Variants in DOP1A observed in about 807,000 individuals in gnomAD.
DOP1A encodes protein DOP1A.
DOP1A carries 90 observed loss-of-function variants against 267.6 expected under a neutral mutation model. The ratio of observed to expected loss-of-function variants is 0.34; its 90% CI spans 0.28 to 0.40. The LOEUF is 0.40. Ranked by LOEUF, DOP1A falls within the 10% of genes least tolerant of loss-of-function variation. The pLI, the probability that DOP1A is intolerant of heterozygous loss-of-function variation, is 1.00. For missense variants in DOP1A, 2,437 were observed against 2,900.4 expected, an observed-to-expected ratio of 0.84 and a Z score of 3.67; for synonymous variants, 932 against 999.1, an observed-to-expected ratio of 0.93 and a Z score of 1.27.
At chr6:83,151,817 C>G (rs1222773286) in intron 28 of DOP1A, 66 bp from the exon 29 acceptor site, 1 of 1,510,034 alleles carries the variant, frequency 6.6e-7, no homozygotes, top group African/African-American at 1.4e-5. Context: ...GAAATATAAA[C>G]TACAGAAGTT....
At chr6:83,078,316 A>G (rs1486913722) in intron 1 of DOP1A, among the ~76,000 whole-genome samples, 1 of 152,258 alleles carries the variant, frequency 6.6e-6, no homozygotes, top group Non-Finnish European at 1.5e-5. Flanking sequence ...CGCTAAGTTA[A>G]CACTGAGCTA....
intron 33 of DOP1A, among the ~76,000 whole-genome samples, chr6:83,154,616 G>A (rs1782366970): frequency 6.6e-6 from 1 of 152,168 alleles, no homozygotes; most frequent in Non-Finnish European, 1.5e-5. Flanking sequence ...AGATGGTGAA[G>A]TGCAAAAGGC....
At chr6:83,090,523 T>G (rs981239865) in intron 1 of DOP1A, among the ~76,000 whole-genome samples, 1 of 152,224 alleles carries the variant, frequency 6.6e-6, no homozygotes, top group Non-Finnish European at 1.5e-5. Flanking sequence ...ATATTTGCAT[T>G]ATGATCTAAG....
intron 1 of DOP1A, among the ~76,000 whole-genome samples, chr6:83,093,690 G>A (rs950741542): frequency 2.6e-5 from 4 of 152,280 alleles, no homozygotes; most frequent in East Asian, 1.9e-4. Flanking sequence ...GGCAGATGAC[G>A]AGGTCAGGAG....
intron 6 of DOP1A, among the ~76,000 whole-genome samples, chr6:83,112,248 ATTAAC>A (rs1458399724): frequency 1.3e-5 from 2 of 152,118 alleles, no homozygotes; most frequent in African/African-American, 4.8e-5. Context: ...TGAACAGATA[ATTAAC>A]TTAAAGGAAA....
chr6:83,101,238 G>A (rs1340241433), intron 4 of DOP1A, among the ~76,000 whole-genome samples: 4 of 152,024 alleles, frequency 2.6e-5, no homozygotes, highest in Non-Finnish European at 4.4e-5. Context: ...GGATGGTCTC[G>A]ATCTCCTGAC....
intron 7 of DOP1A, among the ~76,000 whole-genome samples, chr6:83,113,957 C>T (rs1774986159): frequency 6.6e-6 from 1 of 152,060 alleles, no homozygotes; most frequent in South Asian, 2.1e-4. Context: ...ATCTAAATTC[C>T]TTTGACTTAT....
At chr6:83,145,317 C>T (rs1213063213) in intron 24 of DOP1A, among the ~76,000 whole-genome samples, 2 of 128,548 alleles carry the variant, frequency 1.6e-5, no homozygotes, top group Non-Finnish European at 3.2e-5. Flanking sequence ...TGCAGTGGCT[C>T]ATGCCTGTAA....
chr6:83,069,931 C>T (rs1484047881), intron 1 of DOP1A, among the ~76,000 whole-genome samples: 2 of 152,152 alleles, frequency 1.3e-5, no homozygotes, highest in African/African-American at 4.8e-5. Flanking sequence ...TGTGTAATAA[C>T]TACCTATTTT....
rs763705746 is a variant in DOP1A, at chr6:83,137,277, C to A, written c.3235C>A (p.Leu1079Ile). The change falls in exon 21 of 39, where the codon CTT becomes ATT. Residue 1079 changes from leucine to isoleucine, a missense_variant. This residue lies in a region of DOP1A where 878 missense variants were observed against 992.9 expected (regional missense o/e 0.88). Transcript: ENST00000349129. The part of the protein sequence containing the change: ...SLTVNPLSDR[L>I]SLLSTSSETI... ...CACTGTGAATCCATTAAGTGACAGA[C>A]TTTCCCTCCTAAGTACCAGCAGTGA... is the stretch of plus-strand genomic sequence containing the variant. 3.1e-6 allele frequency: 5 copies of A among 1,613,662 alleles called. No individual in the cohort carries two copies. In the East Asian group the frequency reaches 1.1e-4, roughly 36 times the overall value.
Position 83,153,598 on chromosome 6 carries a change from G to T in DOP1A, c.6217G>T (p.Val2073Leu). The change falls in exon 31 of 39, where the codon GTG (valine) becomes TTG (leucine). Residue 2073 changes from valine to leucine, a missense_variant. Val to Leu is a conservative substitution (Grantham distance 32). Transcript: ENST00000349129. Reference sequence around the variant, plus strand: ...ACTTGTAAATATTATGCATTATGTTGTGCCCTACCTCAGAAATCACAGGTA... The same window carrying T: ...ACTTGTAAATATTATGCATTATGTTTTGCCCTACCTCAGAAATCACAGGTA... Reference protein sequence around the residue: ...PLLVNIMHYVVPYLRNHSAHN... With the variant: ...PLLVNIMHYVLPYLRNHSAHN... 1 of 1,602,568 alleles carries T rather than the reference G, an allele frequency of 6.2e-7. No homozygotes were observed. Among genetic ancestry groups the T allele is most frequent in the South Asian group, 1.1e-5 (1 of 88,276 alleles).
At chr6:83,084,086 T>C (rs961098034) in intron 1 of DOP1A, among the ~76,000 whole-genome samples, 1 of 152,224 alleles carries the variant, frequency 6.6e-6, no homozygotes, top group Non-Finnish European at 1.5e-5. Flanking sequence ...GTCTTAGGTT[T>C]TTATTCGTAT....
chr6:83,165,245 A>G (rs1218671987), intron 38 of DOP1A: 1 of 152,410 alleles, frequency 6.6e-6, no homozygotes, highest in Non-Finnish European at 1.5e-5. Context: ...GTCATAGTTA[A>G]GAAAGAAAGA....
At chr6:83,108,583 T>C (rs1012978306) in intron 4 of DOP1A, among the ~76,000 whole-genome samples, 15 of 152,188 alleles carry the variant, frequency 9.9e-5, no homozygotes, top group African/African-American at 3.6e-4. Context: ...GCCAGATAGA[T>C]AGTGATGCCA....
chr6:83,073,717 T>C (rs756034656), intron 1 of DOP1A, among the ~76,000 whole-genome samples: 2 of 152,232 alleles, frequency 1.3e-5, no homozygotes, highest in African/African-American at 4.8e-5. Flanking sequence ...GAGTTTCTTA[T>C]GAGGTTGCAG....
intron 4 of DOP1A, among the ~76,000 whole-genome samples, chr6:83,104,187 T>C (rs1773138006): frequency 6.6e-6 from 1 of 151,950 alleles, no homozygotes; most frequent in Admixed American, 6.6e-5. Flanking sequence ...TCACTTGTTC[T>C]TTCTAATAGC....
chr6:83,155,680 G>A (rs1173783336), intron 33 of DOP1A, among the ~76,000 whole-genome samples: 1 of 152,132 alleles, frequency 6.6e-6, no homozygotes, highest in East Asian at 1.9e-4. Flanking sequence ...GGTTTCCTCA[G>A]GGTTTTATAT....
intron 1 of DOP1A, among the ~76,000 whole-genome samples, chr6:83,090,137 TGAC>T (rs1161920933): frequency 2.0e-5 from 3 of 152,326 alleles, no homozygotes; most frequent in East Asian, 3.9e-4. Context: ...TAGGAAATAA[TGAC>T]GACAACTGTT....
At chr6:83,149,108 AC>A in intron 27 of DOP1A, among the ~76,000 whole-genome samples, 1 of 152,254 alleles carries the variant, frequency 6.6e-6, no homozygotes, top group South Asian at 2.1e-4. Flanking sequence ...TAAAACTGTT[AC>A]AACAGTAGCT....
Sources: allele counts gnomAD v4.1 joint callset (sites outside exome capture counted in the v4.1 genomes callset), GRCh38; gene constraint gnomAD v4.1.1; regional missense constraint gnomAD v4.1.1; transcripts MANE v1.5; gene names NCBI Gene and HGNC (gene_info 2026-07-23, HGNC 2026-07-21).